Variants in CNTNAP2 observed in about 807,000 individuals in gnomAD.
CNTNAP2 encodes contactin-associated protein-like 2.
A neutral mutation model predicts 155.2 loss-of-function variants in CNTNAP2; 98 were observed. That is an observed-to-expected ratio of 0.63 (90% CI 0.54 to 0.75). The LOEUF is 0.75. CNTNAP2 is among the 30% of genes least tolerant of loss of function. CNTNAP2 has a pLI of 0.00. For synonymous variants in CNTNAP2, 651 were observed against 631.2 expected, an observed-to-expected ratio of 1.03 and a Z score of -0.47; for missense variants, 1,727 against 1,688.1, an observed-to-expected ratio of 1.02 and a Z score of -0.40.
intron 13 of CNTNAP2, among the ~76,000 whole-genome samples, chr7:147,726,605 C>T (rs965977049): frequency 2.6e-5 from 4 of 151,980 alleles, no homozygotes; most frequent in South Asian, 2.1e-4. Context: ...AGGTTGAGAA[C>T]GTCTTTGTCC....
chr7:148,314,657 TG>T (rs1797655362), intron 21 of CNTNAP2, among the ~76,000 whole-genome samples: 1 of 149,500 alleles, frequency 6.7e-6, no homozygotes, highest in African/African-American at 2.5e-5. Flanking sequence ...GAGAAGGAGT[TG>T]GGGGGTTCTT....
intron 13 of CNTNAP2, among the ~76,000 whole-genome samples, chr7:147,789,055 T>C (rs572898678): frequency 3.3e-5 from 5 of 151,502 alleles, no homozygotes; most frequent in Non-Finnish European, 7.4e-5. Context: ...CAGGCATGCA[T>C]CACCATGCCT....
chr7:147,981,985 CA>C (rs1801539393), intron 15 of CNTNAP2, among the ~76,000 whole-genome samples: 1 of 151,972 alleles, frequency 6.6e-6, no homozygotes, highest in Non-Finnish European at 1.5e-5. Context: ...TAGAAAGAAA[CA>C]AAAGAACCAT....
chr7:146,747,960 T>C (rs1801836657), intron 1 of CNTNAP2, among the ~76,000 whole-genome samples: 2 of 152,188 alleles, frequency 1.3e-5, no homozygotes, highest in South Asian at 2.1e-4. Flanking sequence ...CTGCCTGCTA[T>C]AGGCTTAATG....
intron 1 of CNTNAP2, among the ~76,000 whole-genome samples, chr7:146,138,189 G>A (rs1415191191): frequency 2.0e-5 from 3 of 151,936 alleles, no homozygotes; most frequent in Non-Finnish European, 4.4e-5. Context: ...AACATTTTTT[G>A]TCTGGGAATT....
At chr7:148,121,284 C>T (rs146905387) in intron 16 of CNTNAP2, among the ~76,000 whole-genome samples, 1,935 of 152,238 alleles carry the variant, frequency 0.013, 49 homozygotes, top group African/African-American at 0.044. Context: ...CCACCCGCGT[C>T]GGCCTCCCAA....
At chr7:147,283,316 G>A (rs1433921055) in intron 8 of CNTNAP2, among the ~76,000 whole-genome samples, 1 of 151,476 alleles carries the variant, frequency 6.6e-6, no homozygotes, top group Non-Finnish European at 1.5e-5. Flanking sequence ...ATAGTTCAAA[G>A]GCTTTTTTTT....
chr7:146,441,525 A>C (rs753883625), intron 1 of CNTNAP2, among the ~76,000 whole-genome samples: 2 of 151,436 alleles, frequency 1.3e-5, no homozygotes, highest in Non-Finnish European at 2.9e-5. Flanking sequence ...CATGGAGATC[A>C]TTCTCTGGTT....
intron 8 of CNTNAP2, among the ~76,000 whole-genome samples, chr7:147,243,991 T>C (rs1803999116): frequency 6.6e-6 from 1 of 152,214 alleles, no homozygotes; most frequent in Non-Finnish European, 1.5e-5. Context: ...GATTTCTCCT[T>C]TACACATAAT....
intron 20 of CNTNAP2, among the ~76,000 whole-genome samples, chr7:148,260,303 G>A (rs1585223722): frequency 6.6e-6 from 1 of 152,148 alleles, no homozygotes; most frequent in African/African-American, 2.4e-5. Flanking sequence ...TTTGTCTCTG[G>A]AGTCAGAGTG....
chr7:148,035,457 G>T (rs930463728), intron 15 of CNTNAP2, among the ~76,000 whole-genome samples: 1 of 152,118 alleles, frequency 6.6e-6, no homozygotes, highest in South Asian at 2.1e-4. Context: ...AGCAGTCCTC[G>T]ACCACTCCAG....
At chr7:147,677,723 T>TTATTCTATATG (rs1246593727) in intron 13 of CNTNAP2, among the ~76,000 whole-genome samples, 5 of 151,830 alleles carry the variant, frequency 3.3e-5, no homozygotes, top group African/African-American at 9.7e-5. Flanking sequence ...TCTAATTTTA[T>TTATTCTATATG]TATTCTATAT....
At chr7:147,763,262 A>G (rs897081191) in intron 13 of CNTNAP2, among the ~76,000 whole-genome samples, 1 of 122,232 alleles carries the variant, frequency 8.2e-6, no homozygotes, top group African/African-American at 4.4e-5. Flanking sequence ...CTCAGTCAAA[A>G]AAAAAAAAAG....
At chr7:147,019,995 AGTATGGTATG>A (rs57042757) in intron 3 of CNTNAP2, among the ~76,000 whole-genome samples, 2 of 151,362 alleles carry the variant, frequency 1.3e-5, no homozygotes, top group South Asian at 2.1e-4. Context: ...GTATAGATAT[AGTATGGTATG>A]GTATGGTATG....
intron 3 of CNTNAP2, among the ~76,000 whole-genome samples, chr7:146,897,122 G>A (rs950525220): frequency 2.0e-5 from 3 of 152,000 alleles, no homozygotes; most frequent in Non-Finnish European, 2.9e-5. Flanking sequence ...AAGTCAAAAC[G>A]TCACTCTTAC....
intron 15 of CNTNAP2, among the ~76,000 whole-genome samples, chr7:148,076,264 T>G (rs1050288877): frequency 9.9e-5 from 15 of 151,984 alleles, no homozygotes; most frequent in Non-Finnish European, 1.5e-4. Context: ...TATTTTTACT[T>G]GGGCATGTTG....
intron 8 of CNTNAP2, among the ~76,000 whole-genome samples, chr7:147,192,538 CTG>C (rs758553190): frequency 1.2e-4 from 18 of 152,164 alleles, no homozygotes; most frequent in Non-Finnish European, 1.5e-4. Flanking sequence ...GTCCAGTATT[CTG>C]TGTTTTCCCC....
chr7:146,236,974 G>A (rs189708149), intron 1 of CNTNAP2, among the ~76,000 whole-genome samples: 2 of 152,216 alleles, frequency 1.3e-5, no homozygotes, highest in Admixed American at 1.3e-4. Flanking sequence ...CATTTGAGGG[G>A]CTTCGTTTCT....
chr7:147,599,645 G>A (rs776022695), intron 12 of CNTNAP2, among the ~76,000 whole-genome samples: 2 of 152,070 alleles, frequency 1.3e-5, no homozygotes, highest in South Asian at 2.1e-4. Flanking sequence ...GCCTCTTCCA[G>A]CTTCTGGTGG....
Sources: gnomAD v4.1 joint callset for allele counts (sites outside exome capture counted in the v4.1 genomes callset) on GRCh38, gnomAD v4.1.1 for gene constraint, MANE v1.5 for transcripts, NCBI Gene and HGNC (gene_info 2026-07-23, HGNC 2026-07-21) for gene names.